Variants in IRX1 observed in about 807,000 individuals in gnomAD.
IRX1 encodes iroquois-class homeodomain protein IRX-1.
IRX1 carries 22 observed loss-of-function variants against 34.1 expected under a neutral mutation model. The ratio of observed to expected loss-of-function variants is 0.64; its 90% CI spans 0.46 to 0.92. IRX1 has a LOEUF of 0.92. Among genes scored for constraint, IRX1 ranks in the 40% least tolerant of loss-of-function variants. IRX1 has a pLI of 0.00. For synonymous variants in IRX1, 363 were observed against 319.0 expected, an observed-to-expected ratio of 1.14 and a Z score of -1.47; for missense variants, 758 against 680.0, an observed-to-expected ratio of 1.11 and a Z score of -1.28.
At position 3,600,084 on chromosome 5, in the gene IRX1, T is replaced by G. The variant is rs1221198127; in HGVS notation, c.1136T>G (p.Phe379Cys). 6 of 1,612,708 alleles carry G rather than the reference T, an allele frequency of 3.7e-6. No homozygotes were observed. The highest frequency in any genetic ancestry group is 5.1e-6 in the Non-Finnish European group (6 of 1,179,656). ...TTCTCCAACTGGACCAACAGCGCAT[T>G]CCTCGCACAGGGCTCCCTGCTCAAC... ...GKFSNWTNSA[F>C]LAQGSLLNMR... is the part of the protein sequence containing the mutation. Residue 379 changes from phenylalanine (F) to cysteine (C), a missense_variant, in exon 2 of 4, where the codon TTC becomes TGC. Phe to Cys is a radical substitution (Grantham distance 205). Coordinates refer to ENST00000302006, the MANE Select transcript of IRX1 (RefSeq NM_024337.4).
At position 3,595,937 on chromosome 5, in the gene IRX1, G is replaced by T; in HGVS notation, c.-169G>T. On this transcript the variant is annotated 5_prime_UTR_variant, in exon 1 of 4. It adds an upstream start codon to the 5' untranslated region. Coordinates refer to ENST00000302006, the MANE Select transcript of IRX1 (RefSeq NM_024337.4). ...CGGGCGCCTGCGAGCACCGGGCAGA[G>T]GAGCCGCGACCGGCCTCCATCTCCC... is the stretch of plus-strand genomic sequence containing the variant. 1 of 236,790 alleles carries T rather than the reference G, an allele frequency of 4.2e-6. No homozygotes were observed. 14.7% of individuals were successfully genotyped at this position (236,790 alleles called of 1,614,324 possible).
intron 1 of IRX1, among the ~76,000 whole-genome samples, chr5:3,598,277 T>C (rs1016417827): frequency 2.0e-5 from 3 of 152,222 alleles, no homozygotes; most frequent in Non-Finnish European, 4.4e-5. Flanking sequence ...AAAAACCTGA[T>C]GGGATAATTT....
chr5:3,600,803 G>T (rs942847180), intron 3 of IRX1, 122 bp downstream of exon 3: 78 of 1,152,182 alleles, frequency 6.8e-5, no homozygotes, highest in Non-Finnish European at 9.3e-5. Context: ...TTGAAGGAGC[G>T]CTCCCCGCCA....
chr5:3,596,399 C>A lies in IRX1; in HGVS notation c.276+18C>A. ...CGCAGATGGTGAGTGCGCCCGGCCTCCCCCGCTTCTCCTCTGTCTCACCCG... is the reference window on the plus strand; with the variant it reads ...CGCAGATGGTGAGTGCGCCCGGCCTACCCCGCTTCTCCTCTGTCTCACCCG... On this transcript the variant is annotated intron_variant, in intron 1 of 3. Coordinates refer to ENST00000302006, the MANE Select transcript of IRX1 (RefSeq NM_024337.4). The A allele has an allele frequency of 1.3e-6, 2 of 1,494,278 alleles. No individual in the cohort carries two copies. The highest frequency in any genetic ancestry group is 1.3e-5 in the South Asian group (1 of 77,666). 92.6% of individuals were successfully genotyped at this position (1,494,278 alleles called of 1,614,324 possible). A position where few individuals can be genotyped will look rare whatever the true frequency, so the allele number is the denominator to read the frequency against.
chr5:3,600,924 C>T (rs1733949464), intron 3 of IRX1, 59 bp from the exon 4 acceptor site: 2 of 1,549,018 alleles, frequency 1.3e-6, no homozygotes, highest in African/African-American at 1.4e-5. Flanking sequence ...CGTCGCCCGG[C>T]GCTGCGTCCC....
Position 3,599,079 on chromosome 5 carries a change from C to G in IRX1, c.277-146C>G. 3.7e-6 allele frequency: 3 copies of G among 812,056 alleles called. No individual in the cohort carries two copies. The highest frequency in any genetic ancestry group is 5.7e-6 in the Non-Finnish European group (3 of 528,396). 50.3% of individuals were successfully genotyped at this position (812,056 alleles called of 1,614,324 possible). ...TGATCTGCCCAGCACAGGAGAGCCC[C>G]GCAAAGCGCCTGGGAGGCCCTCGAG... On this transcript the variant is annotated intron_variant, in intron 1 of 3. Coordinates refer to ENST00000302006, the MANE Select transcript of IRX1 (RefSeq NM_024337.4). This position sits in a 1 kb window ranked among gnomAD's most constrained non-coding sequence, Gnocchi z 6.6.
At chr5:3,600,821 GCGCCGGGCGAGCCGAGGAGA>G in intron 3 of IRX1, 140 bp downstream of exon 3, 2 of 1,149,954 alleles carry the variant, frequency 1.7e-6, no homozygotes, top group Non-Finnish European at 2.6e-6. Flanking sequence ...CCAGCCCTGG[GCGCCGGGCGAGCCGAGGAGA>G]CTGGAGTTTC....
chr5:3,601,023 G>T lies in IRX1; in HGVS notation c.1426G>T (p.Ala476Ser), dbSNP rs1446209543. 6.3e-7 allele frequency: 1 copy of T among 1,588,750 alleles called. No homozygotes were observed. Among genetic ancestry groups the T allele is most frequent in the African/African-American group, 1.4e-5 (1 of 73,626 alleles). The change falls in exon 4 of 4, where the codon GCC (alanine) becomes TCC (serine). Residue 476 changes from alanine (A) to serine (S), a missense_variant. Coordinates refer to ENST00000302006, the MANE Select transcript of IRX1 (RefSeq NM_024337.4). ...GGAGGGAACGCCGCGGATCCTAGCAGCCCTCCCGTCCGCCTGATTAAGGGT... is the reference window on the plus strand; with the variant it reads ...GGAGGGAACGCCGCGGATCCTAGCATCCCTCCCGTCCGCCTGATTAAGGGT... ...PQEGTPRILA[A>S]LPSA
In IRX1 at chr5:3,599,714, G is replaced by A; in HGVS notation, c.766G>A (p.Ala256Thr). 5 of 1,612,516 alleles carry A rather than the reference G, an allele frequency of 3.1e-6. No individual in the cohort carries two copies. The highest frequency in any genetic ancestry group is 4.2e-6 in the Non-Finnish European group (5 of 1,179,900). Residue 256 changes from alanine (A) to threonine (T), a missense_variant, in exon 2 of 4, where the codon GCA (alanine) becomes ACA (threonine). Ala to Thr is a moderately conservative substitution (Grantham distance 58). Transcript: ENST00000302006. The surrounding 1 kb of genome is among the most constrained non-coding windows in gnomAD (Gnocchi z 6.6). ...CAAGGCCGAGGCTCCGCACGCGCCC[G>A]CAGCCCCTTCTGCTCTTGCCCGGGA... ...EDKAEAPHAP[A>T]APSALARDQG...
intron 1 of IRX1, among the ~76,000 whole-genome samples, chr5:3,598,260 T>C (rs1292399015): frequency 1.3e-5 from 2 of 152,222 alleles, no homozygotes; most frequent in Non-Finnish European, 1.5e-5. Flanking sequence ...TAAAATGTTA[T>C]TTACCAAAAA....
chr5:3,599,891 A>C lies in IRX1; in HGVS notation c.943A>C (p.Lys315Gln), dbSNP rs1296274060. 3 of 1,488,468 alleles carry C rather than the reference A, an allele frequency of 2.0e-6. No individual in the cohort carries two copies. The highest frequency in any genetic ancestry group is 2.7e-6 in the Non-Finnish European group (3 of 1,121,030). The allele number at this position is 1,488,468 out of a possible 1,614,324, so 92.2% of individuals were successfully genotyped here. ...GLQGAPHGKP[K>Q]IWSLAETATS... is the part of the protein sequence containing the mutation. Reference sequence around the variant, plus strand: ...GCAGGGTGCGCCGCACGGCAAGCCCAAGATCTGGTCGCTGGCGGAGACAGC... The same window carrying C: ...GCAGGGTGCGCCGCACGGCAAGCCCCAGATCTGGTCGCTGGCGGAGACAGC... Residue 315 changes from lysine (K) to glutamine (Q), a missense_variant, in exon 2 of 4, where the codon AAG becomes CAG. Lys to Gln is a moderately conservative substitution (Grantham distance 53). This residue lies in a region of IRX1 where 529 missense variants were observed against 418.8 expected (regional missense o/e 1.26). Coordinates refer to ENST00000302006, the MANE Select transcript of IRX1 (RefSeq NM_024337.4). The surrounding 1 kb of genome is among the most constrained non-coding windows in gnomAD (Gnocchi z 6.6).
chr5:3,599,138 T>C lies in IRX1; in HGVS notation c.277-87T>C. On this transcript the variant is annotated intron_variant, in intron 1 of 3. Transcript: ENST00000302006. This position sits in a 1 kb window ranked among gnomAD's most constrained non-coding sequence, Gnocchi z 6.6. ...AGCGGCTGCTTCCCACTCTCCCGTC[T>C]TGGGGACTCATGTCTCTCTCTCTCT... is the stretch of plus-strand genomic sequence containing the variant. 7.3e-7 allele frequency: 1 copy of C among 1,377,180 alleles called. No homozygotes were observed. Among genetic ancestry groups the C allele is most frequent in the Non-Finnish European group, 9.8e-7 (1 of 1,016,730 alleles). 85.3% of individuals were successfully genotyped at this position (1,377,180 alleles called of 1,614,324 possible).
rs1733884942 is a variant in IRX1 at position 3,599,276 on chromosome 5, G to A, written c.328G>A (p.Ala110Thr). The A allele has an allele frequency of 2.5e-6, 4 of 1,613,840 alleles. No homozygotes were observed. The highest frequency in any genetic ancestry group is 3.4e-6 in the Non-Finnish European group (4 of 1,180,004). The part of the protein sequence containing the change: ...DNPGVHPATF[A>T]AHTAPAYYPY... ...CCCTGGGGTGCACCCCGCCACCTTC[G>A]CAGCCCACACGGCGCCGGCTTATTA... The change falls in exon 2 of 4, where the codon GCA becomes ACA. Residue 110 changes from alanine (A) to threonine (T), a missense_variant. This residue lies in a region of IRX1 where 195 missense variants were observed against 195.0 expected (regional missense o/e 1.00). Coordinates refer to ENST00000302006, the MANE Select transcript of IRX1 (RefSeq NM_024337.4). This position sits in a 1 kb window ranked among gnomAD's most constrained non-coding sequence, Gnocchi z 6.6.
At chr5:3,600,309 G>A (rs1580012796) in intron 2 of IRX1, 49 bp downstream of exon 2, 2 of 1,475,722 alleles carry the variant, frequency 1.4e-6, no homozygotes, top group Admixed American at 2.1e-5. Context: ...GAATGCAGAG[G>A]CCTGGCTAGG....
Position 3,599,361 on chromosome 5 carries a change from G to T in IRX1, c.413G>T (p.Ser138Ile). 1 of 1,614,060 alleles carries T rather than the reference G, an allele frequency of 6.2e-7. No individual in the cohort carries two copies. The highest frequency in any genetic ancestry group is 8.5e-7 in the Non-Finnish European group (1 of 1,180,022). ...PGRPKNATRE[S>I]TSTLKAWLNE... ...CGGCCCAAGAACGCCACCCGCGAGA[G>T]CACCAGCACGCTCAAGGCCTGGCTC... Residue 138 changes from serine (S) to isoleucine (I), a missense_variant, in exon 2 of 4, where the codon AGC becomes ATC. Physicochemically the swap from Ser to Ile is moderately radical, Grantham distance 142. Transcript: ENST00000302006. This position sits in a 1 kb window ranked among gnomAD's most constrained non-coding sequence, Gnocchi z 6.6.
Position 3,600,568 on chromosome 5 carries a change from C to G in IRX1, c.1313-41C>G, listed in dbSNP as rs1172643647. 4.5e-6 allele frequency: 7 copies of G among 1,564,572 alleles called. No homozygotes were observed. The East Asian group carries it at 6.7e-5, about 15-fold the overall frequency. ...AAGGAGGCCTGGGACCTCTCCCGCC[C>G]GTCTCTCCGTCCTAACTCTGCCTCT... On this transcript the variant is annotated intron_variant, in intron 2 of 3. Coordinates refer to ENST00000302006, the MANE Select transcript of IRX1 (RefSeq NM_024337.4).
Position 3,599,150 on chromosome 5 carries a change from G to GTC in IRX1, c.277-60_277-59dup, listed in dbSNP as rs369861627. 6.1e-4 allele frequency: 816 copies of GTC among 1,333,672 alleles called. No individual in the cohort carries two copies. The highest frequency in any genetic ancestry group is 7.0e-4 in the South Asian group (47 of 67,186). 82.6% of individuals were successfully genotyped at this position (1,333,672 alleles called of 1,614,324 possible). On this transcript the variant is annotated intron_variant, in intron 1 of 3. Transcript: ENST00000302006. This position sits in a 1 kb window ranked among gnomAD's most constrained non-coding sequence, Gnocchi z 6.6. ...CCACTCTCCCGTCTTGGGGACTCAT[G>GTC]TCTCTCTCTCTCTCTCCCTTTCTCT...
At chr5:3,600,365 T>A in intron 2 of IRX1, 105 bp downstream of exon 2, 1 of 1,162,996 alleles carries the variant, frequency 8.6e-7, no homozygotes, top group Non-Finnish European at 1.2e-6. Flanking sequence ...TACCAGGCAG[T>A]GGCCGCTGAG....
At chr5:3,597,785 C>A (rs1733825423) in intron 1 of IRX1, among the ~76,000 whole-genome samples, 1 of 152,200 alleles carries the variant, frequency 6.6e-6, no homozygotes, top group South Asian at 2.1e-4. Flanking sequence ...CTAATTAGTC[C>A]AAGAAATCTT....
Sources: allele counts gnomAD v4.1 joint callset (sites outside exome capture counted in the v4.1 genomes callset), GRCh38; gene constraint gnomAD v4.1.1; regional missense constraint gnomAD v4.1.1; non-coding constraint Gnocchi (gnomAD v3.1); transcripts MANE v1.5; gene names NCBI Gene and HGNC (gene_info 2026-07-23, HGNC 2026-07-21).